The following KCNH1 variants were observed in gnomAD, a reference collection of about 807,000 sequenced individuals.
KCNH1 encodes potassium voltage-gated channel subfamily H member 1, also known as voltage-gated delayed rectifier potassium channel KCNH1.
In KCNH1, 27 loss-of-function variants were observed where a neutral mutation model predicts 69.2. The observed-to-expected ratio is 0.39, with a 90% CI of 0.29 to 0.54. The LOEUF is 0.54. KCNH1 is among the 20% of genes least tolerant of loss of function. The pLI is 0.68. For synonymous variants in KCNH1, 456 were observed against 487.7 expected (o/e 0.93, Z 0.86); for missense variants, 798 against 1,261.6 (o/e 0.63, Z 5.57).
chr1:211,075,428 T>A (rs1249854315), intron 5 of KCNH1, among the ~76,000 whole-genome samples: 1 of 152,232 alleles, frequency 6.6e-6, no homozygotes, highest in East Asian at 1.9e-4. Flanking sequence ...TATGGAACTC[T>A]GGAGCCAGGT....
intron 10 of KCNH1, among the ~76,000 whole-genome samples, chr1:210,733,276 G>T (rs548708271): frequency 4.3e-4 from 65 of 152,240 alleles, no homozygotes; most frequent in African/African-American, 1.3e-3. Context: ...AAAATGCTCT[G>T]ACTTGAGAAA....
At chr1:210,814,554 C>T (rs981193738) in intron 7 of KCNH1, among the ~76,000 whole-genome samples, 2 of 152,078 alleles carry the variant, frequency 1.3e-5, no homozygotes, top group African/African-American at 4.8e-5. Flanking sequence ...GTAAAAATAA[C>T]TCAGGTTCTG....
chr1:210,726,816 T>TAG (rs765364728), intron 10 of KCNH1, among the ~76,000 whole-genome samples: 6 of 140,480 alleles, frequency 4.3e-5, no homozygotes, highest in Admixed American at 1.4e-4. Flanking sequence ...CCGGCGGGGG[T>TAG]GGGGTGGACT....
At chr1:211,048,328 C>A (rs1350021578) in intron 5 of KCNH1, among the ~76,000 whole-genome samples, 3 of 152,164 alleles carry the variant, frequency 2.0e-5, no homozygotes, top group African/African-American at 7.2e-5. Flanking sequence ...AGTCCCACTC[C>A]TGAGTATCTA....
At chr1:210,709,723 AGAGAGAG>A (rs1558433376) in intron 10 of KCNH1, among the ~76,000 whole-genome samples, 1 of 63,648 alleles carries the variant, frequency 1.6e-5, no homozygotes, top group African/African-American at 9.3e-5. Flanking sequence ...GAAAGAAAGA[AGAGAGAG>A]AGAGAGAGAG....
intron 1 of KCNH1, among the ~76,000 whole-genome samples, chr1:211,109,105 A>C (rs1691414464): frequency 6.6e-6 from 1 of 152,250 alleles, no homozygotes. Flanking sequence ...TGAATGCCTA[A>C]AAGGTAACTG....
In KCNH1 at chr1:210,683,023, T is replaced by G. The variant is rs974518813; in HGVS notation, c.*258A>C. On this transcript the variant is annotated 3_prime_UTR_variant, in exon 11 of 11. Coordinates refer to ENST00000271751, the MANE Select transcript of KCNH1 (RefSeq NM_172362.3). This position sits in a 1 kb window ranked among gnomAD's most constrained non-coding sequence, Gnocchi z 5.7. ...AAATTAAAAATGAAGGAAAATACCC[T>G]TTAGACAGCATGTCCCTTCTTCCAA... The G allele has an allele frequency of 4.0e-6, 2 of 500,336 alleles. No individual in the cohort carries two copies. Among genetic ancestry groups the G allele is most frequent in the Non-Finnish European group, 7.1e-6 (2 of 280,296 alleles). The allele number at this position is 500,336 out of a possible 1,614,324, so 31.0% of individuals were successfully genotyped here.
At chr1:211,091,416 C>T (rs1010421179) in intron 3 of KCNH1, among the ~76,000 whole-genome samples, 7 of 152,088 alleles carry the variant, frequency 4.6e-5, no homozygotes. Flanking sequence ...ATCCACCCAC[C>T]TTGGCCTCCC....
intron 7 of KCNH1, among the ~76,000 whole-genome samples, chr1:210,827,526 T>C (rs11119613): frequency 0.47 from 71,840 of 151,978 alleles, 17,058 homozygotes; most frequent in East Asian, 0.63. Context: ...TTTTACTATA[T>C]GCTGAATAAT....
At chr1:210,983,290 C>G (rs990383474) in intron 6 of KCNH1, among the ~76,000 whole-genome samples, 1 of 152,130 alleles carries the variant, frequency 6.6e-6, no homozygotes, top group Admixed American at 6.5e-5. Context: ...TCCCATTTGT[C>G]AATTTTGTCT....
intron 7 of KCNH1, among the ~76,000 whole-genome samples, chr1:210,916,151 A>C (rs1018189573): frequency 1.3e-5 from 2 of 152,202 alleles, no homozygotes; most frequent in African/African-American, 4.8e-5. Context: ...GAAGGAGGTC[A>C]GTGTATACAT....
At chr1:211,002,742 G>T (rs568071195) in intron 6 of KCNH1, among the ~76,000 whole-genome samples, 169 of 152,254 alleles carry the variant, frequency 1.1e-3, no homozygotes, top group African/African-American at 3.9e-3. Context: ...GAAACTGGGA[G>T]ATGAGTCAGA....
rs1681222738 is a variant in KCNH1 at position 210,679,952 on chromosome 1, T to TGCATTCATGAATGCAATGAGTA, written c.*3328_*3329insTACTCATTGCATTCATGAATGC. ...GTAGCATTGCATTAATGCAATGAGT[T>TGCATTCATGAATGCAATGAGTA]GCATTCATGAATGCAATGAGTTGCA... On this transcript the variant is annotated 3_prime_UTR_variant, in exon 11 of 11. Coordinates refer to ENST00000271751, the MANE Select transcript of KCNH1 (RefSeq NM_172362.3). 6.7e-6 allele frequency: 1 copy of TGCATTCATGAATGCAATGAGTA among 149,068 alleles called. No individual in the cohort carries two copies. The highest frequency in any genetic ancestry group is 1.5e-5 in the Non-Finnish European group (1 of 67,012). The allele number at this position is 149,068 out of a possible 1,614,324, so 9.2% of individuals were successfully genotyped here. A position where few individuals can be genotyped will look rare whatever the true frequency, so the allele number is the denominator to read the frequency against.
intron 7 of KCNH1, among the ~76,000 whole-genome samples, chr1:210,827,914 G>A (rs1422343891): frequency 2.6e-5 from 4 of 152,218 alleles, no homozygotes; most frequent in South Asian, 2.1e-4. Flanking sequence ...GATCTCGGCC[G>A]ATGGCAACCT....
Position 211,019,264 on chromosome 1 carries a change from GA to G in KCNH1, c.559-9del, listed in dbSNP as rs749752848. 14 of 1,559,912 alleles carry G rather than the reference GA, an allele frequency of 9.0e-6. No homozygotes were observed. The highest frequency in any genetic ancestry group is 8.8e-5 in the Admixed American group (5 of 56,558). On this transcript the variant is annotated splice_polypyrimidine_tract_variant and intron_variant, in intron 5 of 10. Coordinates refer to ENST00000271751, the MANE Select transcript of KCNH1 (RefSeq NM_172362.3). Reference sequence around the variant, plus strand: ...TGAGCCCAGCTGTAGGACCTGTACAGAAAAACATGACCAAGAGAGAACTAAG... The same window carrying G: ...TGAGCCCAGCTGTAGGACCTGTACAGAAAACATGACCAAGAGAGAACTAAG...
intron 10 of KCNH1, among the ~76,000 whole-genome samples, chr1:210,769,847 G>A (rs1381396511): frequency 6.6e-6 from 1 of 152,162 alleles, no homozygotes; most frequent in Non-Finnish European, 1.5e-5. Flanking sequence ...TTAACCAAGG[G>A]CAACAAAGTG....
rs543483524 is a variant in KCNH1 at position 211,090,340 on chromosome 1, T to C, written c.439+222A>G. On this transcript the variant is annotated intron_variant, in intron 4 of 10. Coordinates refer to ENST00000271751, the MANE Select transcript of KCNH1 (RefSeq NM_172362.3). ...ATCAGAAAGGGTTAATTATTAAAGG[T>C]ATGAAATTGATTCAAATGCTTTCCT... 3.0e-4 allele frequency among the ~76,000 whole-genome samples: 46 copies of C among 152,344 alleles called. No individual in the cohort carries two copies. In the South Asian group the frequency reaches 9.1e-3, roughly 30 times the overall value.
chr1:210,949,644 T>C (rs1367231403), intron 6 of KCNH1, among the ~76,000 whole-genome samples: 1 of 152,174 alleles, frequency 6.6e-6, no homozygotes, highest in Non-Finnish European at 1.5e-5. Flanking sequence ...ACTTCATAAA[T>C]GCAATGAATC....
intron 6 of KCNH1, among the ~76,000 whole-genome samples, chr1:210,977,833 T>C (rs1193168485): frequency 6.6e-6 from 1 of 152,176 alleles, no homozygotes; most frequent in Non-Finnish European, 1.5e-5. Context: ...GATATTTCAG[T>C]ACATGTATAC....
Sources: allele counts gnomAD v4.1 joint callset (sites outside exome capture counted in the v4.1 genomes callset), GRCh38; gene constraint gnomAD v4.1.1; non-coding constraint Gnocchi (gnomAD v3.1); transcripts MANE v1.5; gene names NCBI Gene and HGNC (gene_info 2026-07-23, HGNC 2026-07-21).